Variants in COG6 observed in about 807,000 individuals in gnomAD.
COG6 encodes the protein conserved oligomeric Golgi complex subunit 6.
A neutral mutation model predicts 88.8 loss-of-function variants in COG6; 74 were observed. The observed-to-expected ratio is 0.83, with a 90% confidence interval of 0.69 to 1.01. COG6 has a LOEUF of 1.01. Among genes scored for constraint, COG6 ranks in the 50% least tolerant of loss-of-function variants. The pLI is 0.00. For missense variants in COG6, 800 were observed against 797.9 expected (o/e 1.00, Z -0.03); for synonymous variants, 286 against 278.7 (o/e 1.03, Z -0.26).
intron 18 of COG6, among the ~76,000 whole-genome samples, chr13:39,783,412 A>G (rs375039606): frequency 1.2e-4 from 18 of 152,256 alleles, no homozygotes; most frequent in African/African-American, 4.3e-4. Flanking sequence ...GATGACTAAT[A>G]TTTGTTTGTT....
At chr13:39,669,925 T>C (rs1372307444) in intron 4 of COG6, among the ~76,000 whole-genome samples, 2 of 152,160 alleles carry the variant, frequency 1.3e-5, no homozygotes, top group Non-Finnish European at 2.9e-5. Flanking sequence ...ATAACAGGTC[T>C]CTGGGGGCTG....
intron 4 of COG6, among the ~76,000 whole-genome samples, chr13:39,667,238 C>A (rs560568017): frequency 6.6e-5 from 10 of 152,248 alleles, no homozygotes; most frequent in African/African-American, 2.4e-4. Context: ...AGAGAAAAAT[C>A]TTTAAAAACA....
At chr13:39,736,103 C>G (rs1328634090) in intron 18 of COG6, among the ~76,000 whole-genome samples, 2 of 151,974 alleles carry the variant, frequency 1.3e-5, no homozygotes, top group Non-Finnish European at 2.9e-5. Context: ...ACACTAATCT[C>G]TCTCTGCCTC....
chr13:39,745,150 T>C (rs916385771), intron 18 of COG6, among the ~76,000 whole-genome samples: 1 of 152,100 alleles, frequency 6.6e-6, no homozygotes, highest in African/African-American at 2.4e-5. Context: ...AGAAGAAAAC[T>C]TAGCCAATAC....
intron 4 of COG6, among the ~76,000 whole-genome samples, chr13:39,675,221 G>T (rs1469526530): frequency 1.3e-5 from 2 of 152,054 alleles, no homozygotes; most frequent in Non-Finnish European, 2.9e-5. Context: ...CCCTCTAAAA[G>T]TTCCATATGT....
chr13:39,770,278 A>T (rs1376735121), intron 18 of COG6, among the ~76,000 whole-genome samples: 2 of 152,208 alleles, frequency 1.3e-5, no homozygotes, highest in South Asian at 4.1e-4. Flanking sequence ...TGCCACACAA[A>T]GACTCCCTCA....
intron 3 of COG6, 30 bp downstream of exon 3, chr13:39,660,911 G>T (rs773511889): frequency 2.2e-5 from 29 of 1,305,036 alleles, no homozygotes; most frequent in African/African-American, 1.7e-4. Flanking sequence ...TTTTGGCATA[G>T]TTCCTGATAT....
intron 8 of COG6, 64 bp from the exon 9 acceptor site, chr13:39,687,439 G>A: frequency 1.4e-6 from 2 of 1,457,352 alleles, no homozygotes; most frequent in East Asian, 2.3e-5. Flanking sequence ...GAAATTGCGT[G>A]AATAGTCTGA....
intron 8 of COG6, among the ~76,000 whole-genome samples, chr13:39,682,679 T>G (rs1007995739): frequency 3.3e-5 from 5 of 152,132 alleles, no homozygotes; most frequent in Admixed American, 1.3e-4. Context: ...AGGTAATCTG[T>G]TAATAGGATT....
At chr13:39,772,345 T>C (rs1319180520) in intron 18 of COG6, among the ~76,000 whole-genome samples, 1 of 152,204 alleles carries the variant, frequency 6.6e-6, no homozygotes, top group Non-Finnish European at 1.5e-5. Flanking sequence ...TTTTATTCAA[T>C]AAACATCTCT....
intron 18 of COG6, among the ~76,000 whole-genome samples, chr13:39,728,656 A>T (rs935888125): frequency 6.6e-6 from 1 of 151,776 alleles, no homozygotes; most frequent in Non-Finnish European, 1.5e-5. Context: ...GCTGTGACTC[A>T]GGTTGTTTGT....
rs141762911 is a variant in COG6, at chr13:39,673,109, G to C, written c.429-4359G>C. Among the ~76,000 whole-genome samples, 565 of 151,904 alleles carry C rather than the reference G, an allele frequency of 3.7e-3. 4 individuals are homozygous for C. The highest frequency in any genetic ancestry group is 0.013 in the African/African-American group (527 of 41,478). ...GTGTTTTTATTTATTGGTTGTAAAA[G>C]TTCTTTATATGTTCTGGATATAGGT... is the stretch of plus-strand genomic sequence containing the variant. On this transcript the variant is annotated intron_variant, in intron 4 of 18. Coordinates refer to ENST00000455146, the MANE Select transcript of COG6 (RefSeq NM_020751.3).
At chr13:39,682,374 A>G in intron 8 of COG6, 110 bp downstream of exon 8, 1 of 693,000 alleles carries the variant, frequency 1.4e-6, no homozygotes, top group South Asian at 1.7e-5. Flanking sequence ...AATATTTATA[A>G]TAATTTACAA....
At chr13:39,683,340 A>C (rs1243749870) in intron 8 of COG6, among the ~76,000 whole-genome samples, 1 of 152,164 alleles carries the variant, frequency 6.6e-6, no homozygotes, top group East Asian at 1.9e-4. Context: ...TTTCCTAAGG[A>C]ATTAGGTATA....
At chr13:39,774,412 T>G (rs1434122153) in intron 18 of COG6, among the ~76,000 whole-genome samples, 1 of 151,756 alleles carries the variant, frequency 6.6e-6, no homozygotes, top group Non-Finnish European at 1.5e-5. Flanking sequence ...TCAAAAACTC[T>G]TTGGTGGTGT....
chr13:39,680,156 T>A (rs1406805706), intron 7 of COG6, 111 bp downstream of exon 7: 8 of 653,558 alleles, frequency 1.2e-5, no homozygotes, highest in East Asian at 2.8e-5. Flanking sequence ...AAACATTTTT[T>A]AAAAATAAAA....
chr13:39,704,343 A>G (rs914535765), intron 13 of COG6, among the ~76,000 whole-genome samples: 3 of 152,118 alleles, frequency 2.0e-5, no homozygotes, highest in African/African-American at 7.2e-5. Flanking sequence ...TATTGACTGG[A>G]TGCCTTGCTA....
intron 18 of COG6, among the ~76,000 whole-genome samples, chr13:39,764,375 T>G (rs769265076): frequency 6.6e-6 from 1 of 151,620 alleles, no homozygotes; most frequent in African/African-American, 2.4e-5. Context: ...ATTTTTGCTC[T>G]ATATTTTTCC....
chr13:39,703,862 G>A (rs538217406), intron 13 of COG6, among the ~76,000 whole-genome samples: 18 of 151,952 alleles, frequency 1.2e-4, no homozygotes, highest in African/African-American at 4.3e-4. Context: ...AAGTAGCTGG[G>A]ACTATAGGTG....
Sources: gnomAD v4.1 joint callset for allele counts (sites outside exome capture counted in the v4.1 genomes callset) on GRCh38, gnomAD v4.1.1 for gene constraint, MANE v1.5 for transcripts, NCBI Gene and HGNC (gene_info 2026-07-23, HGNC 2026-07-21) for gene names.